Variants in CTNNA2 observed in about 807,000 individuals in gnomAD.
The protein encoded by CTNNA2 is catenin alpha 2, also known as catenin alpha-2.
A neutral mutation model predicts 101.0 loss-of-function variants in CTNNA2; 42 were observed. That is an observed-to-expected ratio of 0.42 (90% CI 0.32 to 0.54). The LOEUF is 0.54. Ranked by LOEUF, CTNNA2 falls within the 20% of genes least tolerant of loss-of-function variation. The pLI, the probability that CTNNA2 is intolerant of heterozygous loss-of-function variation, is 0.14. For synonymous variants in CTNNA2, 450 were observed against 456.4 expected (o/e 0.99, Z 0.18); for missense variants, 871 against 1,223.1 (o/e 0.71, Z 4.29).
At chr2:79,217,990 C>T (rs1320028783) in intron 2 of CTNNA2, among the ~76,000 whole-genome samples, 1 of 152,168 alleles carries the variant, frequency 6.6e-6, no homozygotes, top group Admixed American at 6.6e-5. Context: ...ATTGAATGAA[C>T]ATCTACATAA....
At chr2:80,241,746 T>G (rs1163324922) in intron 7 of CTNNA2, among the ~76,000 whole-genome samples, 1 of 152,186 alleles carries the variant, frequency 6.6e-6, no homozygotes, top group Non-Finnish European at 1.5e-5. Flanking sequence ...TATATGGCAG[T>G]TGGATCTAGA....
chr2:80,526,632 C>A (rs996092423), intron 9 of CTNNA2, among the ~76,000 whole-genome samples: 3 of 151,990 alleles, frequency 2.0e-5, no homozygotes, highest in African/African-American at 7.2e-5. Flanking sequence ...TGTGCCGGGC[C>A]TCTCTGTGCC....
intron 9 of CTNNA2, among the ~76,000 whole-genome samples, chr2:80,483,908 T>C (rs78243867): frequency 0.026 from 3,990 of 152,130 alleles, 165 homozygotes; most frequent in African/African-American, 0.091. Context: ...CAAAAACTAA[T>C]GAAGAGAAAA....
intron 2 of CTNNA2, among the ~76,000 whole-genome samples, chr2:79,681,357 C>A (rs1558832927): frequency 6.6e-6 from 1 of 152,204 alleles, no homozygotes; most frequent in Non-Finnish European, 1.5e-5. Flanking sequence ...GAGACCACAT[C>A]AGAACAGCTG....
chr2:80,215,220 G>A (rs551498013), intron 7 of CTNNA2, among the ~76,000 whole-genome samples: 35 of 152,108 alleles, frequency 2.3e-4, no homozygotes, highest in African/African-American at 3.4e-4. Flanking sequence ...CCTTTAGTTC[G>A]GAGAAGTTTG....
chr2:79,964,438 A>C (rs1689878001), intron 7 of CTNNA2, among the ~76,000 whole-genome samples: 1 of 152,156 alleles, frequency 6.6e-6, no homozygotes, highest in South Asian at 2.1e-4. Context: ...TGTTTATCTA[A>C]TGAAGGATAT....
rs976460098 is a variant in CTNNA2, at chr2:79,492,762, G to T, written c.-134-12292G>T. On this transcript the variant is annotated intron_variant, in intron 4 of 21. Coordinates refer to the CTNNA2 transcript ENST00000466387. ...TATTGCCTCAATATCAGAAGCAAAG[G>T]TACACAGTAAAAGAAAACTATAGAC... 3.3e-5 allele frequency among the ~76,000 whole-genome samples: 5 copies of T among 152,018 alleles called. No individual in the cohort carries two copies. The South Asian group carries it at 8.3e-4, about 25-fold the overall frequency.
intron 3 of CTNNA2, among the ~76,000 whole-genome samples, chr2:79,831,971 G>A (rs1678965180): frequency 6.6e-6 from 1 of 151,766 alleles, no homozygotes; most frequent in African/African-American, 2.4e-5. Context: ...AACCTTCTCA[G>A]GCATATGAAA....
chr2:79,533,742 A>AATG (rs1573269313), intron 1 of CTNNA2, among the ~76,000 whole-genome samples: 1 of 152,140 alleles, frequency 6.6e-6, no homozygotes, highest in Non-Finnish European at 1.5e-5. Flanking sequence ...AAACTTGGGA[A>AATG]ACGACTTGCT....
chr2:79,670,421 T>G (rs974610995), intron 2 of CTNNA2, among the ~76,000 whole-genome samples: 4 of 152,152 alleles, frequency 2.6e-5, no homozygotes, highest in African/African-American at 9.7e-5. Context: ...GCGATTTGGG[T>G]GGCTGCAGCG....
intron 2 of CTNNA2, among the ~76,000 whole-genome samples, chr2:79,246,106 G>A (rs1051633926): frequency 2.0e-4 from 31 of 152,194 alleles, no homozygotes; most frequent in Admixed American, 2.0e-3. Context: ...TGATTTTGTG[G>A]AAAGAGCTCA....
intron 3 of CTNNA2, among the ~76,000 whole-genome samples, chr2:79,849,395 C>A (rs765210420): frequency 3.3e-5 from 5 of 151,692 alleles, no homozygotes; most frequent in African/African-American, 1.2e-4. Context: ...TAGTACCAAG[C>A]ACTGCTGTAA....
chr2:80,306,758 A>G (rs189555898), intron 7 of CTNNA2, among the ~76,000 whole-genome samples: 457 of 151,920 alleles, frequency 3.0e-3, no homozygotes, highest in Admixed American at 5.8e-3. Context: ...TTCAGCGAGT[A>G]CTGTGAGTAC....
intron 7 of CTNNA2, among the ~76,000 whole-genome samples, chr2:80,151,898 C>T (rs1000054459): frequency 6.6e-6 from 1 of 152,238 alleles, no homozygotes; most frequent in Non-Finnish European, 1.5e-5. Flanking sequence ...CTGCTGCCAT[C>T]GCCAAAATTA....
At chr2:79,672,014 C>A (rs948581840) in intron 2 of CTNNA2, among the ~76,000 whole-genome samples, 1 of 152,186 alleles carries the variant, frequency 6.6e-6, no homozygotes, top group Non-Finnish European at 1.5e-5. Flanking sequence ...CACTTTATAA[C>A]CTGAACAAAT....
intron 7 of CTNNA2, among the ~76,000 whole-genome samples, chr2:80,231,343 C>CTGCCTGTTCAGAGGTTCACA (rs1709199216): frequency 6.6e-6 from 1 of 152,142 alleles, no homozygotes; most frequent in African/African-American, 2.4e-5. Flanking sequence ...TGGTTCAGAG[C>CTGCCTGTTCAGAGGTTCACA]GTCACCTCTG....
chr2:80,210,760 T>G (rs1307336846), intron 7 of CTNNA2, among the ~76,000 whole-genome samples: 3 of 152,188 alleles, frequency 2.0e-5, no homozygotes, highest in African/African-American at 7.2e-5. Flanking sequence ...CAAATGGTAT[T>G]TCTAGTTCTA....
intron 7 of CTNNA2, among the ~76,000 whole-genome samples, chr2:79,936,248 ATT>A (rs11352516): frequency 9.8e-4 from 141 of 143,756 alleles, no homozygotes; most frequent in African/African-American, 1.4e-3. Context: ...TCATGCTGGG[ATT>A]TTTTTTTTTT....
At chr2:79,417,891 G>T (rs1449321489) in intron 4 of CTNNA2, among the ~76,000 whole-genome samples, 2 of 152,072 alleles carry the variant, frequency 1.3e-5, no homozygotes, top group Non-Finnish European at 2.9e-5. Flanking sequence ...ATTCACAAAG[G>T]CCATGGCATT....
Sources: allele counts gnomAD v4.1 joint callset (sites outside exome capture counted in the v4.1 genomes callset), GRCh38; gene constraint gnomAD v4.1.1; transcripts MANE v1.5; gene names NCBI Gene and HGNC (gene_info 2026-07-23, HGNC 2026-07-21).